The following ZMYND11 variants were observed in gnomAD, a reference collection of about 807,000 sequenced individuals.
The protein encoded by ZMYND11 is zinc finger MYND domain-containing protein 11.
Under a neutral mutation model 84.9 loss-of-function variants are expected in ZMYND11, and 9 were observed. That is an observed-to-expected ratio of 0.11 (90% CI 0.06 to 0.18). ZMYND11 has a LOEUF of 0.18. Among genes scored for constraint, ZMYND11 ranks in the 10% least tolerant of loss-of-function variants. The probability of loss-of-function intolerance (pLI) is 1.00; values close to 1 mark genes in which losing one functional copy is unlikely to be tolerated. For synonymous variants in ZMYND11, 250 were observed against 244.1 expected, an observed-to-expected ratio of 1.02 and a Z score of -0.23; for missense variants, 409 against 761.0, an observed-to-expected ratio of 0.54 and a Z score of 5.44.
intron 1 of ZMYND11, among the ~76,000 whole-genome samples, chr10:144,234 T>C (rs1185755984): frequency 6.6e-6 from 1 of 152,154 alleles, no homozygotes; most frequent in African/African-American, 2.4e-5. Context: ...ATTTTTGTTT[T>C]TTACGACAGA....
At chr10:136,685 A>T (rs1244986478) in intron 1 of ZMYND11, among the ~76,000 whole-genome samples, 1 of 152,104 alleles carries the variant, frequency 6.6e-6, no homozygotes, top group Non-Finnish European at 1.5e-5. Flanking sequence ...CTGTTGTCAC[A>T]TACAGTGTGT....
intron 1 of ZMYND11, among the ~76,000 whole-genome samples, chr10:149,411 C>T (rs942463945): frequency 1.3e-5 from 2 of 151,540 alleles, no homozygotes; most frequent in African/African-American, 2.4e-5. Flanking sequence ...CCTGGGTTCA[C>T]GCCATTCTCC....
At chr10:211,261 A>G (rs1945173826) in intron 3 of ZMYND11, among the ~76,000 whole-genome samples, 1 of 152,062 alleles carries the variant, frequency 6.6e-6, no homozygotes, top group Non-Finnish European at 1.5e-5. Flanking sequence ...AAATCTATCT[A>G]TAGATATAGA....
At chr10:140,841 A>G (rs1410473045) in intron 1 of ZMYND11, among the ~76,000 whole-genome samples, 1 of 152,232 alleles carries the variant, frequency 6.6e-6, no homozygotes, top group African/African-American at 2.4e-5. Flanking sequence ...GGCACATTTC[A>G]TTTAATGTTG....
At chr10:198,396 A>T (rs1942309954) in intron 2 of ZMYND11, among the ~76,000 whole-genome samples, 1 of 152,162 alleles carries the variant, frequency 6.6e-6, no homozygotes, top group South Asian at 2.1e-4. Context: ...TTAAAAAAAA[A>T]GTATAATACC....
intron 1 of ZMYND11, among the ~76,000 whole-genome samples, chr10:170,398 CAAT>C (rs782657433): frequency 1.3e-4 from 20 of 150,542 alleles, no homozygotes; most frequent in African/African-American, 2.2e-4. Context: ...TTTTTCGAAA[CAAT>C]AATAGTAACT....
rs767869912 is a variant in ZMYND11 at position 246,924 on chromosome 10, G to A, written c.1109G>A (p.Arg370Gln). 5.6e-6 allele frequency: 9 copies of A among 1,612,506 alleles called. No homozygotes were observed. The highest frequency in any genetic ancestry group is 1.1e-5 in the South Asian group (1 of 90,564). Residue 370 changes from arginine (R) to glutamine (Q), a missense_variant, in exon 11 of 15, where the codon CGA (arginine) becomes CAA (glutamine). Physicochemically the swap from Arg to Gln is conservative, Grantham distance 43. Around this residue, in one of 7 missense-constraint regions of ZMYND11, gnomAD observed 48 missense variants for 61.1 expected, o/e 0.79. Transcript: ENST00000381604. ...TTTTGGAAATCTAAGAATGAGGACC[G>A]AGGTGAGGAAGAGGCAGAATCCAGT... is the stretch of plus-strand genomic sequence containing the variant. ...GRFWKSKNEDRGEEEAESSIS... is the reference protein window; with the variant it reads ...GRFWKSKNEDQGEEEAESSIS...
chr10:193,408 G>A (rs1197213609), intron 2 of ZMYND11, among the ~76,000 whole-genome samples: 1 of 152,154 alleles, frequency 6.6e-6, no homozygotes. Context: ...TGCAACCTCT[G>A]TATGGAGTAA....
At chr10:185,354 T>G (rs1306191848) in intron 2 of ZMYND11, among the ~76,000 whole-genome samples, 1 of 152,064 alleles carries the variant, frequency 6.6e-6, no homozygotes, top group Non-Finnish European at 1.5e-5. Flanking sequence ...CTAATTTTGT[T>G]GTACTGTGTA....
chr10:161,192 A>G (rs1554761743), intron 1 of ZMYND11, among the ~76,000 whole-genome samples: 1 of 152,044 alleles, frequency 6.6e-6, no homozygotes, highest in East Asian at 1.9e-4. Context: ...AATAACACTA[A>G]TCTCCCTGTA....
At chr10:242,899 A>T (rs1445492949) in intron 10 of ZMYND11, among the ~76,000 whole-genome samples, 1 of 152,226 alleles carries the variant, frequency 6.6e-6, no homozygotes, top group Non-Finnish European at 1.5e-5. Context: ...CTGTTCTTTC[A>T]TAGGTAGATA....
chr10:234,907 A>G lies in ZMYND11; in HGVS notation c.439-1931A>G, dbSNP rs551729947. ...AGCGCCTTCTGCAGTCCTGTGAGAC[A>G]TGCAGAATGCAAAAATGGAGGATCA... On this transcript the variant is annotated intron_variant, in intron 4 of 14. Transcript: ENST00000381604. Among the ~76,000 whole-genome samples the G allele has an allele frequency of 2.0e-5, 3 of 152,294 alleles. No homozygotes were observed. In the East Asian group the frequency reaches 5.8e-4, roughly 29 times the overall value.
intron 1 of ZMYND11, among the ~76,000 whole-genome samples, chr10:172,052 C>T: frequency 6.6e-6 from 1 of 152,176 alleles, no homozygotes; most frequent in Non-Finnish European, 1.5e-5. Flanking sequence ...ATTGCTGTGT[C>T]CTCACATGGC....
intron 3 of ZMYND11, among the ~76,000 whole-genome samples, chr10:215,758 A>G (rs1271669939): frequency 1.3e-5 from 2 of 151,812 alleles, no homozygotes; most frequent in Non-Finnish European, 2.9e-5. Flanking sequence ...GGGTCTTGCT[A>G]TGTTGCCTAG....
chr10:202,609 CGTT>C (rs1354013586), intron 2 of ZMYND11, among the ~76,000 whole-genome samples: 1 of 152,198 alleles, frequency 6.6e-6, no homozygotes, highest in East Asian at 1.9e-4. Context: ...CTTAGTTTTG[CGTT>C]GTTGTCATTC....
chr10:253,379 G>T lies in ZMYND11; in HGVS notation c.*909G>T, dbSNP rs190256332. ...TCTGGTGTCACCTCATGTATCGTAA[G>T]TTAATACTAAAAGAAGAGAAAGCAC... is the stretch of plus-strand genomic sequence containing the variant. On this transcript the variant is annotated 3_prime_UTR_variant, in exon 15 of 15. Coordinates refer to ENST00000381604, the MANE Select transcript of ZMYND11 (RefSeq NM_001370100.5). The T allele has an allele frequency of 1.2e-4, 19 of 152,684 alleles. No individual in the cohort carries two copies. Among genetic ancestry groups the T allele is most frequent in the Admixed American group, 5.9e-4 (9 of 15,286 alleles). 9.5% of individuals were successfully genotyped at this position (152,684 alleles called of 1,614,324 possible).
chr10:202,547 G>C (rs1415792236), intron 2 of ZMYND11, among the ~76,000 whole-genome samples: 1 of 151,860 alleles, frequency 6.6e-6, no homozygotes, highest in African/African-American at 2.4e-5. Context: ...AGAAAACAAA[G>C]TTATTGACTC....
Position 210,042 on chromosome 10 carries a change from T to C in ZMYND11, c.270T>C (p.Asp90=). ...AAGAAGGATATTGGTTGCCAGGAGA[T>C]GAGATTGTAAGTACATTTTATTTGA... The part of the protein sequence containing the change: ...IEQEGYWLPG[D]EIDWETENHD... The change falls in exon 3 of 15, where the codon GAT becomes GAC. Residue 90 remains aspartate, a synonymous_variant. Coordinates refer to ENST00000381604, the MANE Select transcript of ZMYND11 (RefSeq NM_001370100.5). 1 of 1,613,324 alleles carries C rather than the reference T, an allele frequency of 6.2e-7. No individual in the cohort carries two copies. Among genetic ancestry groups the C allele is most frequent in the Non-Finnish European group, 8.5e-7 (1 of 1,179,310 alleles).
At chr10:213,601 CT>C (rs929216830) in intron 3 of ZMYND11, among the ~76,000 whole-genome samples, 3 of 151,342 alleles carry the variant, frequency 2.0e-5, no homozygotes, top group Non-Finnish European at 4.4e-5. Flanking sequence ...TGGTAAAGCT[CT>C]TTTTTTTTCC....
Sources: gnomAD v4.1 joint callset for allele counts (sites outside exome capture counted in the v4.1 genomes callset) on GRCh38, gnomAD v4.1.1 for gene constraint, gnomAD v4.1.1 regional missense constraint, MANE v1.5 for transcripts, NCBI Gene and HGNC (gene_info 2026-07-23, HGNC 2026-07-21) for gene names.